Variants in C1orf87 observed in about 807,000 individuals in gnomAD.
C1orf87 encodes uncharacterized protein C1orf87.
A neutral mutation model predicts 60.5 loss-of-function variants in C1orf87; 58 were observed. The observed-to-expected ratio is 0.96, with a 90% CI of 0.78 to 1.19. C1orf87 has a LOEUF of 1.19. Ranked by LOEUF, C1orf87 falls within the 50% of genes most tolerant of loss-of-function variation. The pLI, the probability that C1orf87 is intolerant of heterozygous loss-of-function variation, is 0.00. For missense variants in C1orf87, 673 were observed against 638.6 expected, an observed-to-expected ratio of 1.05 and a Z score of -0.58; for synonymous variants, 236 against 227.4, an observed-to-expected ratio of 1.04 and a Z score of -0.34.
At chr1:60,044,091 G>A (rs151207680) in intron 3 of C1orf87, among the ~76,000 whole-genome samples, 42 of 152,282 alleles carry the variant, frequency 2.8e-4, no homozygotes, top group East Asian at 3.9e-4. Context: ...GTGCAGTGGC[G>A]TGATCTCGGC....
chr1:60,037,751 C>A (rs1645288024), intron 6 of C1orf87, among the ~76,000 whole-genome samples: 1 of 152,228 alleles, frequency 6.6e-6, no homozygotes, highest in South Asian at 2.1e-4. Context: ...AGCAAGCCAG[C>A]TTGCTCTCTT....
At chr1:60,015,857 T>C (rs1046536042) in intron 8 of C1orf87, among the ~76,000 whole-genome samples, 23 of 152,192 alleles carry the variant, frequency 1.5e-4, no homozygotes, top group African/African-American at 5.3e-4. Context: ...GTTCAAGTGA[T>C]TCTCGTGCTT....
intron 8 of C1orf87, among the ~76,000 whole-genome samples, chr1:60,020,186 C>G (rs1413853898): frequency 6.6e-6 from 1 of 152,188 alleles, no homozygotes; most frequent in African/African-American, 2.4e-5. Flanking sequence ...CCAGGCTGGG[C>G]TTGAGGCTCT....
At chr1:60,057,002 C>CAT (rs1645461975) in intron 2 of C1orf87, among the ~76,000 whole-genome samples, 1 of 152,076 alleles carries the variant, frequency 6.6e-6, no homozygotes, top group Non-Finnish European at 1.5e-5. Flanking sequence ...TTTTTATAGT[C>CAT]ATCCTTTTGG....
chr1:60,053,301 C>T (rs1337098900), intron 3 of C1orf87, among the ~76,000 whole-genome samples: 2 of 152,216 alleles, frequency 1.3e-5, no homozygotes, highest in Non-Finnish European at 2.9e-5. Context: ...AGAACCTGGG[C>T]TTGAATTGTG....
rs373455024 is a variant in C1orf87, at chr1:60,010,456, T to A, written c.1128A>T (p.Lys376Asn). The A allele has an allele frequency of 6.3e-5, 101 of 1,611,936 alleles. No individual in the cohort carries two copies. Among genetic ancestry groups the A allele is most frequent in the Non-Finnish European group, 8.0e-5 (94 of 1,178,602 alleles). Residue 376 changes from lysine to asparagine, a missense_variant and splice_region_variant, in exon 9 of 12, where the codon AAA becomes AAT. Lys to Asn is a moderately conservative substitution (Grantham distance 94). Coordinates refer to ENST00000371201, the MANE Select transcript of C1orf87 (RefSeq NM_152377.3). ...TCAGCATCTCAACAAAATTCTGCCA[T>A]CTGTGCAAGAAAAGGAAACATAAAT... ...HQDLGYQNEI[K>N]WQNFVEMLTR...
intron 8 of C1orf87, among the ~76,000 whole-genome samples, chr1:60,015,025 G>A (rs1248019867): frequency 6.6e-6 from 1 of 152,178 alleles, no homozygotes; most frequent in Non-Finnish European, 1.5e-5. Context: ...GCCAGAAGGA[G>A]GAGCCAGACA....
chr1:60,034,926 CTT>C (rs774637199), intron 6 of C1orf87, among the ~76,000 whole-genome samples: 29 of 143,578 alleles, frequency 2.0e-4, no homozygotes, highest in Admixed American at 1.4e-4. Context: ...ATATTATTTC[CTT>C]TTTTTTTTTT....
intron 5 of C1orf87, among the ~76,000 whole-genome samples, chr1:60,039,679 A>G (rs1252155843): frequency 6.6e-6 from 1 of 152,202 alleles, no homozygotes; most frequent in Non-Finnish European, 1.5e-5. Context: ...AAAGCTGACA[A>G]TGCAAGTTGG....
rs762700862 is a variant in C1orf87, at chr1:60,025,513, A to G, written c.1030-15T>C. On this transcript the variant is annotated splice_polypyrimidine_tract_variant and intron_variant, in intron 7 of 11. Transcript: ENST00000371201. ...ATAGCCCTGACCTACAAGTTAAAAA[A>G]AAATAAAAAAGATTTGATGTTTCAC... The G allele has an allele frequency of 1.9e-6, 3 of 1,559,070 alleles. No homozygotes were observed. The East Asian group carries it at 6.8e-5, about 35-fold the overall frequency.
At chr1:60,015,751 C>A (rs541046962) in intron 8 of C1orf87, among the ~76,000 whole-genome samples, 8 of 152,080 alleles carry the variant, frequency 5.3e-5, no homozygotes, top group Non-Finnish European at 1.2e-4. Flanking sequence ...GTTATCACTT[C>A]TTTATTTTCA....
At chr1:60,067,974 T>C (rs750304634) in intron 2 of C1orf87, among the ~76,000 whole-genome samples, 14 of 152,314 alleles carry the variant, frequency 9.2e-5, no homozygotes, top group Middle Eastern at 6.8e-3. Flanking sequence ...ATCTATTAAA[T>C]AGGAAATCTT....
chr1:60,064,748 A>AAATATATAAATATATAATTATATTT (rs1399287985), intron 2 of C1orf87, among the ~76,000 whole-genome samples: 5 of 92,688 alleles, frequency 5.4e-5, no homozygotes, highest in African/African-American at 9.0e-5. Context: ...ATAGAATATT[A>AAATATATAAATATATAATTATATTT]AATATATAAA....
At chr1:60,035,393 G>T (rs577344039) in intron 6 of C1orf87, among the ~76,000 whole-genome samples, 6 of 152,330 alleles carry the variant, frequency 3.9e-5, no homozygotes, top group African/African-American at 1.2e-4. Context: ...AAGGCCTGTT[G>T]CAGAATTTTA....
chr1:60,020,224 A>C (rs1645153712), intron 8 of C1orf87, among the ~76,000 whole-genome samples: 1 of 152,176 alleles, frequency 6.6e-6, no homozygotes, highest in Admixed American at 6.5e-5. Flanking sequence ...GGTGCCCTGC[A>C]TCCCAGTTGC....
chr1:60,013,392 C>T (rs1427708343), intron 8 of C1orf87, among the ~76,000 whole-genome samples: 1 of 151,984 alleles, frequency 6.6e-6, no homozygotes, highest in African/African-American at 2.4e-5. Context: ...CCTCTTAATT[C>T]TGCTATGAAA....
In C1orf87 at chr1:60,025,396, C is replaced by A. The variant is rs1474505225; in HGVS notation, c.1127+5G>T. 1.2e-6 allele frequency: 2 copies of A among 1,605,268 alleles called. No individual in the cohort carries two copies. The highest frequency in any genetic ancestry group is 2.2e-5 in the East Asian group (1 of 44,764). On this transcript the variant is annotated splice_donor_5th_base_variant and intron_variant, in intron 8 of 11. Transcript: ENST00000371201. ...ACATTCAGTTCTTAATAAGAGTTGA[C>A]TTACTTTATTTCATTTTGGTAACCC...
At chr1:60,046,783 A>G (rs1339561790) in intron 3 of C1orf87, among the ~76,000 whole-genome samples, 1 of 151,980 alleles carries the variant, frequency 6.6e-6, no homozygotes, top group East Asian at 1.9e-4. Flanking sequence ...TGCCCCTTTC[A>G]TCATTATTTT....
intron 2 of C1orf87, among the ~76,000 whole-genome samples, chr1:60,070,346 G>A (rs1400638732): frequency 6.6e-6 from 1 of 151,932 alleles, no homozygotes; most frequent in Non-Finnish European, 1.5e-5. Context: ...TTTTCATTTT[G>A]GAGAAGCCTT....
Sources: gnomAD v4.1 joint callset for allele counts (sites outside exome capture counted in the v4.1 genomes callset) on GRCh38, gnomAD v4.1.1 for gene constraint, MANE v1.5 for transcripts, NCBI Gene and HGNC (gene_info 2026-07-23, HGNC 2026-07-21) for gene names.